Variants in POLD3 observed in about 807,000 individuals in gnomAD.
POLD3 encodes DNA polymerase delta subunit 3.
In POLD3, 19 loss-of-function variants were observed where a neutral mutation model predicts 58.2. The observed-to-expected ratio is 0.33, with a 90% confidence interval of 0.23 to 0.48. The LOEUF is 0.48. POLD3 is among the 20% of genes least tolerant of loss of function. The probability of loss-of-function intolerance (pLI) is 0.99; values close to 1 mark genes in which losing one functional copy is unlikely to be tolerated. For missense variants in POLD3, 504 were observed against 545.5 expected, an observed-to-expected ratio of 0.92 and a Z score of 0.76; for synonymous variants, 172 against 193.5, an observed-to-expected ratio of 0.89 and a Z score of 0.92.
intron 4 of POLD3, among the ~76,000 whole-genome samples, chr11:74,662,000 A>G (rs1202505357): frequency 2.0e-5 from 3 of 152,080 alleles, no homozygotes; most frequent in Non-Finnish European, 4.4e-5. Context: ...TGCCAGTCTC[A>G]CTGATGTTCA....
intron 1 of POLD3, among the ~76,000 whole-genome samples, chr11:74,593,238 T>C (rs1330918525): frequency 3.9e-5 from 6 of 152,180 alleles, no homozygotes; most frequent in Non-Finnish European, 5.9e-5. Context: ...ACCGTGATGA[T>C]TGAGTGCCTG....
chr11:74,647,663 G>GA (rs2033016756), downstream of POLD3, among the ~76,000 whole-genome samples: 1 of 152,288 alleles, frequency 6.6e-6, no homozygotes, highest in African/African-American at 2.4e-5. Flanking sequence ...GTGGATTCCA[G>GA]AAAAGTACAT....
At position 74,657,498 on chromosome 11, in the gene POLD3, T is replaced by C. The variant is rs922090231; in HGVS notation, c.370-11279T>C. Among the ~76,000 whole-genome samples, 3 of 141,152 alleles carry C rather than the reference T, an allele frequency of 2.1e-5. No homozygotes were observed. In the Admixed American group the frequency reaches 2.2e-4, roughly 11 times the overall value. 92.6% of individuals were successfully genotyped at this position (141,152 alleles called of 152,430 possible). ...CTTATGACTCATTATTTTAAACTGG[T>C]GACAACTTAACACTGATTGCATAAA... On this transcript the variant is annotated intron_variant, in intron 4 of 4. Coordinates refer to the POLD3 transcript ENST00000524752.
intron 6 of POLD3, 85 bp downstream of exon 6, chr11:74,618,889 A>C: frequency 1.8e-6 from 2 of 1,136,038 alleles, no homozygotes; most frequent in Non-Finnish European, 2.5e-6. Context: ...GTAGTAGTTT[A>C]TTTATATAAG....
intron 2 of POLD3, among the ~76,000 whole-genome samples, chr11:74,594,477 G>A (rs1465217780): frequency 2.6e-5 from 4 of 152,008 alleles, no homozygotes; most frequent in Non-Finnish European, 5.9e-5. Context: ...TTACCTTTTT[G>A]GAGACATGAT....
downstream of POLD3, among the ~76,000 whole-genome samples, chr11:74,644,881 G>A (rs2032979896): frequency 6.6e-6 from 1 of 152,088 alleles, no homozygotes; most frequent in East Asian, 1.9e-4. Flanking sequence ...GCTCTTCATG[G>A]CATGTCTTTT....
rs748352083 is a variant in POLD3, at chr11:74,634,676, C to G, written c.1100C>G (p.Pro367Arg). ...PPLEPVPKTEPEPPSVKSSSG... is the reference protein window; with the variant it reads ...PPLEPVPKTEREPPSVKSSSG... Reference sequence around the variant, plus strand: ...CTTGAACCAGTGCCAAAGACTGAGCCTGAACCTCCTTCTGTCAAGGTAAAA... The same window carrying G: ...CTTGAACCAGTGCCAAAGACTGAGCGTGAACCTCCTTCTGTCAAGGTAAAA... The change falls in exon 10 of 12, where the codon CCT becomes CGT. Residue 367 changes from proline (P) to arginine (R), a missense_variant. Pro to Arg is a moderately radical substitution (Grantham distance 103). Around this residue, in one of 2 missense-constraint regions of POLD3, gnomAD observed 385 missense variants for 370.5 expected, o/e 1.04. Transcript: ENST00000263681. 27 of 1,604,102 alleles carry G rather than the reference C, an allele frequency of 1.7e-5. No individual in the cohort carries two copies. The East Asian group carries it at 5.8e-4, about 34-fold the overall frequency.
At chr11:74,612,237 G>A (rs1025987285) in intron 4 of POLD3, among the ~76,000 whole-genome samples, 3 of 152,170 alleles carry the variant, frequency 2.0e-5, no homozygotes, top group African/African-American at 7.2e-5. Flanking sequence ...TCAGAGTGGT[G>A]GGTTTGTCCA....
At chr11:74,625,871 TTGTGTG>T (rs56365420) in intron 8 of POLD3, among the ~76,000 whole-genome samples, 1,816 of 143,672 alleles carry the variant, frequency 0.013, 11 homozygotes, top group South Asian at 0.022. Context: ...GTGTGCCTAG[TTGTGTG>T]TGTGTGTGTG....
intron 4 of POLD3, among the ~76,000 whole-genome samples, chr11:74,648,341 G>A (rs2135191657): frequency 6.6e-6 from 1 of 152,266 alleles, no homozygotes; most frequent in Non-Finnish European, 1.5e-5. Context: ...CCTGGGGAGA[G>A]GGCCACATTT....
chr11:74,611,791 T>C (rs532640525), intron 4 of POLD3, among the ~76,000 whole-genome samples: 1 of 152,342 alleles, frequency 6.6e-6, no homozygotes, highest in Non-Finnish European at 1.5e-5. Flanking sequence ...TCGTGACACA[T>C]GCAGAAACTG....
At chr11:74,653,184 CA>C (rs1299838890) in intron 4 of POLD3, among the ~76,000 whole-genome samples, 4 of 152,160 alleles carry the variant, frequency 2.6e-5, no homozygotes, top group Non-Finnish European at 4.4e-5. Context: ...CAAAGTATTG[CA>C]AAAACCACAG....
At chr11:74,607,794 C>CTGGTCTTGAACTTCTAAGTTCAAG (rs750426378) in intron 3 of POLD3, among the ~76,000 whole-genome samples, 4 of 151,948 alleles carry the variant, frequency 2.6e-5, no homozygotes, top group East Asian at 1.9e-4. Context: ...GTTGCCCAGG[C>CTGGTCTTGAACTTCTAAGTTCAAG]TGGTCTTGAA....
intron 4 of POLD3, chr11:74,652,734 A>G (rs1372797684): frequency 2.0e-5 from 3 of 153,582 alleles, no homozygotes; most frequent in Non-Finnish European, 4.4e-5. Flanking sequence ...GCTAAAAGTA[A>G]CTCCAACTTG....
chr11:74,595,592 G>C (rs2031213096), intron 2 of POLD3: 1 of 152,102 alleles, frequency 6.6e-6, no homozygotes, highest in Non-Finnish European at 1.5e-5. Flanking sequence ...TTTCTTGATG[G>C]TGTGCTTTGA....
intron 4 of POLD3, among the ~76,000 whole-genome samples, chr11:74,667,397 G>T (rs1477662358): frequency 2.0e-5 from 3 of 152,138 alleles, no homozygotes; most frequent in African/African-American, 7.2e-5. Context: ...AATTAGCCAG[G>T]CATGGTGGCA....
chr11:74,609,754 G>A (rs890407844), intron 3 of POLD3, among the ~76,000 whole-genome samples: 7 of 151,898 alleles, frequency 4.6e-5, no homozygotes, highest in Admixed American at 4.6e-4. Context: ...GTTTTCATAC[G>A]TGCAAACTAT....
chr11:74,634,548 T>C (rs201794455), intron 9 of POLD3, 35 bp from the exon 10 acceptor site: 319 of 1,101,928 alleles, frequency 2.9e-4, no homozygotes, highest in Non-Finnish European at 4.2e-4. Context: ...ATAGTGCTTG[T>C]AGTTCTCTGA....
At chr11:74,606,510 T>A (rs2031682751) in intron 3 of POLD3, among the ~76,000 whole-genome samples, 1 of 152,246 alleles carries the variant, frequency 6.6e-6, no homozygotes, top group South Asian at 2.1e-4. Flanking sequence ...TTGATCCCCT[T>A]GAGAATCTGA....
Sources: allele counts gnomAD v4.1 joint callset (sites outside exome capture counted in the v4.1 genomes callset), GRCh38; gene constraint gnomAD v4.1.1; regional missense constraint gnomAD v4.1.1; transcripts MANE v1.5; gene names NCBI Gene and HGNC (gene_info 2026-07-23, HGNC 2026-07-21).